The following KLHL13 variants were observed in gnomAD, a reference collection of about 807,000 sequenced individuals.
The protein encoded by KLHL13 is kelch like family member 13.
KLHL13 carries 10 observed loss-of-function variants against 37.1 expected under a neutral mutation model. That is an observed-to-expected ratio of 0.27 (90% CI 0.17 to 0.46). The LOEUF (loss-of-function observed/expected upper bound fraction) is 0.46, where lower values mean the gene tolerates loss of function less well. Among genes scored for constraint, KLHL13 ranks in the 20% least tolerant of loss-of-function variants. KLHL13 has a pLI of 1.00. For synonymous variants in KLHL13, 163 were observed against 181.2 expected, an observed-to-expected ratio of 0.90 and a Z score of 0.81; for missense variants, 360 against 509.3, an observed-to-expected ratio of 0.71 and a Z score of 2.82.
At chrX:117,980,571 C>T in intron 1 of KLHL13, among the ~76,000 whole-genome samples, 1 of 111,455 alleles carries the variant, frequency 9.0e-6, no homozygotes, top group East Asian at 2.8e-4. Flanking sequence ...GTTAAAAATA[C>T]TTATAGAGTA....
intron 1 of KLHL13, among the ~76,000 whole-genome samples, chrX:118,072,595 A>G (rs2054882202): frequency 9.0e-6 from 1 of 111,677 alleles, no homozygotes; most frequent in South Asian, 3.8e-4. Context: ...ACAAAGGGCT[A>G]ATATCCAGAA....
At chrX:118,105,602 C>T (rs1172025176) in intron 1 of KLHL13, among the ~76,000 whole-genome samples, 7 of 112,372 alleles carry the variant, frequency 6.2e-5, no homozygotes, top group Non-Finnish European at 9.4e-5. Flanking sequence ...TAGTATTGGC[C>T]GATATCAAAT....
At chrX:118,020,208 C>A (rs2148008558) in intron 1 of KLHL13, among the ~76,000 whole-genome samples, 1 of 108,856 alleles carries the variant, frequency 9.2e-6, no homozygotes, top group East Asian at 2.9e-4. Flanking sequence ...AGGTCCTTCA[C>A]ATCCCTTGTA....
chrX:118,049,867 C>T (rs2054595279), intron 1 of KLHL13, among the ~76,000 whole-genome samples: 1 of 111,510 alleles, frequency 9.0e-6, no homozygotes, highest in African/African-American at 3.3e-5. Context: ...CTTTTCCTGG[C>T]CAAGTGCCAG....
At position 118,045,291 on chromosome X, in the gene KLHL13, G is replaced by A. The variant is rs762512251; in HGVS notation, c.-56+71217C>T. 2.2e-4 allele frequency among the ~76,000 whole-genome samples: 24 copies of A among 106,951 alleles called. No homozygotes were observed. In the East Asian group the frequency reaches 6.7e-3, roughly 30 times the overall value. 92.9% of individuals were successfully genotyped at this position (106,951 alleles called of 115,157 possible). ...AGGGAGGCTGAGGCAGGAGAATGGC[G>A]TGAACCTGGGAGGTGGAGCTTGCAG... On this transcript the variant is annotated intron_variant, in intron 1 of 6. Coordinates refer to the KLHL13 transcript ENST00000371882.
At chrX:118,085,824 T>C (rs1201066816) in intron 1 of KLHL13, among the ~76,000 whole-genome samples, 1 of 106,765 alleles carries the variant, frequency 9.4e-6, no homozygotes, top group African/African-American at 3.5e-5. Context: ...TGTGTGTGTG[T>C]GTGTGTGTGT....
intron 1 of KLHL13, among the ~76,000 whole-genome samples, chrX:118,018,696 G>T (rs2054157847): frequency 9.0e-6 from 1 of 111,315 alleles, no homozygotes; most frequent in Non-Finnish European, 1.9e-5. Flanking sequence ...TCTCTGAGCA[G>T]AATTTTTAAA....
intron 2 of KLHL13, among the ~76,000 whole-genome samples, chrX:117,938,280 T>C (rs1346288364): frequency 9.0e-6 from 1 of 111,608 alleles, no homozygotes; most frequent in Non-Finnish European, 1.9e-5. Context: ...TGATAGATAT[T>C]TAAGTTATCT....
At chrX:118,093,140 T>A (rs887363565) in intron 1 of KLHL13, among the ~76,000 whole-genome samples, 1 of 111,736 alleles carries the variant, frequency 8.9e-6, no homozygotes, top group Non-Finnish European at 1.9e-5. Context: ...TTGATAACAA[T>A]TACATTGCTA....
intron 1 of KLHL13, among the ~76,000 whole-genome samples, chrX:118,072,281 A>T (rs2054878412): frequency 8.9e-6 from 1 of 112,676 alleles, no homozygotes; most frequent in Admixed American, 9.3e-5. Context: ...AGCCATATGT[A>T]GAAAGCTGAA....
intron 2 of KLHL13, among the ~76,000 whole-genome samples, chrX:117,923,934 T>G (rs986026609): frequency 3.6e-5 from 4 of 112,246 alleles, no homozygotes; most frequent in Non-Finnish European, 5.6e-5. Flanking sequence ...CTAGAGCATT[T>G]TTAACAAATT....
chrX:118,094,622 G>A (rs775030682), intron 1 of KLHL13, among the ~76,000 whole-genome samples: 1 of 110,436 alleles, frequency 9.1e-6, no homozygotes, highest in East Asian at 2.9e-4. Context: ...AGGAAAAAAT[G>A]TTAAGGACAG....
At chrX:118,016,799 T>C (rs1050575099) in intron 1 of KLHL13, among the ~76,000 whole-genome samples, 3 of 111,357 alleles carry the variant, frequency 2.7e-5, no homozygotes, top group African/African-American at 9.8e-5. Context: ...GAGGAACAAG[T>C]AGGATTTTAA....
At chrX:117,981,688 T>C (rs917584791) in intron 1 of KLHL13, among the ~76,000 whole-genome samples, 1 of 111,577 alleles carries the variant, frequency 9.0e-6, no homozygotes. Flanking sequence ...ATTTCTATGA[T>C]ACTGTTCAGA....
intron 1 of KLHL13, among the ~76,000 whole-genome samples, chrX:118,030,195 AT>A (rs1322655406): frequency 1.8e-5 from 2 of 111,008 alleles, no homozygotes; most frequent in East Asian, 5.6e-4. Flanking sequence ...TTGTACAATC[AT>A]TTTTCTGCTT....
At chrX:118,076,163 C>T (rs1180243637) in intron 1 of KLHL13, among the ~76,000 whole-genome samples, 1 of 111,335 alleles carries the variant, frequency 9.0e-6, no homozygotes, top group Non-Finnish European at 1.9e-5. Flanking sequence ...TAAAGTTAAA[C>T]TGCAGTTTCA....
At chrX:117,899,645 C>G (rs1407244545) in intron 6 of KLHL13, among the ~76,000 whole-genome samples, 1 of 112,021 alleles carries the variant, frequency 8.9e-6, no homozygotes, top group Non-Finnish European at 1.9e-5. Context: ...ATGACTTTCT[C>G]AAATGTAGAT....
intron 1 of KLHL13, among the ~76,000 whole-genome samples, chrX:118,102,319 T>C (rs1012143746): frequency 1.8e-5 from 2 of 112,029 alleles, no homozygotes; most frequent in African/African-American, 6.5e-5. Flanking sequence ...TAGTAATAAT[T>C]ATTTTTGCTT....
chrX:118,021,825 A>G (rs184501874), intron 1 of KLHL13, among the ~76,000 whole-genome samples: 226 of 111,701 alleles, frequency 2.0e-3, no homozygotes, highest in African/African-American at 6.9e-3. Context: ...TGTCTTCCAC[A>G]ATGGTTGAAC....
Sources: gnomAD v4.1 joint callset for allele counts (sites outside exome capture counted in the v4.1 genomes callset) on GRCh38, gnomAD v4.1.1 for gene constraint, MANE v1.5 for transcripts, NCBI Gene and HGNC (gene_info 2026-07-23, HGNC 2026-07-21) for gene names.